PCCA: variants seen among roughly 807,000 people sequenced by gnomAD.
PCCA encodes propionyl-CoA carboxylase subunit alpha.
PCCA carries 74 observed loss-of-function variants against 101.3 expected under a neutral mutation model. The observed-to-expected ratio is 0.73, with a 90% confidence interval of 0.61 to 0.89. The LOEUF (loss-of-function observed/expected upper bound fraction) is 0.89. Among genes scored for constraint, PCCA ranks in the 40% least tolerant of loss-of-function variants. The pLI is 0.00. For missense variants in PCCA, 891 were observed against 907.0 expected (o/e 0.98, Z 0.23); for synonymous variants, 294 against 313.6 (o/e 0.94, Z 0.66).
rs2047399046 is a variant in PCCA, at chr13:100,102,891, G to A, written c.114G>A (p.Leu38=). Residue 38 remains leucine, a synonymous_variant, in exon 2 of 24, where the codon CTG becomes CTA. Transcript: ENST00000376285. ...CTTTCCTTTTTTTGTAGCATGTTCTGTACTATTCAAGACAGTGCTTAATGG... is the reference window on the plus strand; with the variant it reads ...CTTTCCTTTTTTTGTAGCATGTTCTATACTATTCAAGACAGTGCTTAATGG... ...SAALRTLKHV[L]YYSRQCLMVS... is the part of the protein sequence containing the mutation. 1.2e-6 allele frequency: 2 copies of A among 1,610,106 alleles called. No individual in the cohort carries two copies. Among genetic ancestry groups the A allele is most frequent in the African/African-American group, 2.7e-5 (2 of 74,858 alleles).
intron 14 of PCCA, among the ~76,000 whole-genome samples, chr13:100,304,350 G>T (rs2066296705): frequency 6.6e-6 from 1 of 152,220 alleles, no homozygotes; most frequent in African/African-American, 2.4e-5. Flanking sequence ...TTGGGTGCAG[G>T]AGAGTGCACA....
intron 19 of PCCA, among the ~76,000 whole-genome samples, chr13:100,382,300 T>G (rs1488745601): frequency 1.3e-5 from 2 of 152,182 alleles, no homozygotes; most frequent in African/African-American, 4.8e-5. Flanking sequence ...CTCCGGTTAC[T>G]CCATCAAGCT....
intron 16 of PCCA, among the ~76,000 whole-genome samples, chr13:100,315,342 A>C (rs1338539669): frequency 2.6e-5 from 4 of 152,046 alleles, no homozygotes; most frequent in Admixed American, 2.0e-4. Context: ...AAGAACCCCC[A>C]CTCTCCACTA....
intron 15 of PCCA, 116 bp from the exon 16 acceptor site, chr13:100,309,717 A>G: frequency 3.0e-6 from 2 of 671,442 alleles, no homozygotes; most frequent in Non-Finnish European, 5.0e-6. Flanking sequence ...CTATCATAAA[A>G]TTTCGAGATA....
chr13:100,246,412 C>T (rs1052521714), intron 8 of PCCA, among the ~76,000 whole-genome samples: 4 of 152,100 alleles, frequency 2.6e-5, no homozygotes, highest in East Asian at 1.9e-4. Context: ...TAGGCTCAAG[C>T]GATCCTCCCA....
intron 21 of PCCA, among the ~76,000 whole-genome samples, chr13:100,456,355 T>C (rs909574814): frequency 6.6e-6 from 1 of 152,218 alleles, no homozygotes; most frequent in African/African-American, 2.4e-5. Context: ...TGTGGACTTT[T>C]ATGACTCATT....
chr13:100,400,620 C>CT (rs1380536807), intron 19 of PCCA, among the ~76,000 whole-genome samples: 1 of 61,948 alleles, frequency 1.6e-5, no homozygotes, highest in African/African-American at 1.0e-4. Flanking sequence ...GATCTTAGTT[C>CT]TTTTTAGTTC....
intron 4 of PCCA, among the ~76,000 whole-genome samples, chr13:100,128,606 G>C (rs969381711): frequency 6.6e-6 from 1 of 152,118 alleles, no homozygotes; most frequent in Admixed American, 6.5e-5. Flanking sequence ...ACAAGACCGC[G>C]TGCGCAAAGG....
intron 22 of PCCA, among the ~76,000 whole-genome samples, chr13:100,525,850 C>T (rs1247162003): frequency 6.6e-6 from 1 of 152,214 alleles, no homozygotes; most frequent in African/African-American, 2.4e-5. Flanking sequence ...CATGCAGTCC[C>T]CAGGAAGCTC....
chr13:100,091,181 A>G (rs956369694), intron 1 of PCCA, among the ~76,000 whole-genome samples: 6 of 152,232 alleles, frequency 3.9e-5, no homozygotes, highest in Non-Finnish European at 7.3e-5. Context: ...TGTTTGTCTT[A>G]GAGCAGTGGG....
chr13:100,341,143 G>A (rs2071248446), intron 18 of PCCA, among the ~76,000 whole-genome samples: 1 of 152,226 alleles, frequency 6.6e-6, no homozygotes. Flanking sequence ...AGCTTACAGT[G>A]TATCTTTTTA....
chr13:100,467,058 A>G (rs1226819773), intron 21 of PCCA, among the ~76,000 whole-genome samples: 1 of 152,114 alleles, frequency 6.6e-6, no homozygotes, highest in Non-Finnish European at 1.5e-5. Context: ...CCCCTTTGAG[A>G]TCACCAGTAG....
intron 2 of PCCA, among the ~76,000 whole-genome samples, chr13:100,103,496 G>A (rs1366077482): frequency 2.0e-5 from 3 of 151,758 alleles, no homozygotes; most frequent in Non-Finnish European, 4.4e-5. Flanking sequence ...ATTTTTAGTA[G>A]AGATGGGGTT....
chr13:100,278,797 G>A (rs140949789), intron 12 of PCCA, among the ~76,000 whole-genome samples: 11 of 152,064 alleles, frequency 7.2e-5, no homozygotes, highest in Non-Finnish European at 1.5e-4. Context: ...TATTTTTATC[G>A]AATAATTCTA....
intron 14 of PCCA, among the ~76,000 whole-genome samples, chr13:100,304,192 A>G (rs2066283878): frequency 6.6e-6 from 1 of 152,246 alleles, no homozygotes; most frequent in South Asian, 2.1e-4. Flanking sequence ...ATGCTGCAGC[A>G]GGAGTTTTAT....
At chr13:100,372,693 C>T (rs1388204953) in intron 19 of PCCA, among the ~76,000 whole-genome samples, 1 of 152,014 alleles carries the variant, frequency 6.6e-6, no homozygotes, top group African/African-American at 2.4e-5. Flanking sequence ...GAAGGCAACC[C>T]ACAGAACGGG....
intron 16 of PCCA, among the ~76,000 whole-genome samples, chr13:100,322,399 C>T (rs2068159183): frequency 6.6e-6 from 1 of 151,952 alleles, no homozygotes; most frequent in Admixed American, 6.6e-5. Flanking sequence ...AATTCTATTA[C>T]TATGGAAAAA....
At chr13:100,352,315 G>GA (rs1189625879) in intron 18 of PCCA, among the ~76,000 whole-genome samples, 4 of 151,220 alleles carry the variant, frequency 2.6e-5, no homozygotes, top group African/African-American at 9.7e-5. Flanking sequence ...TAAAAGGATG[G>GA]AAAAAAGTAT....
chr13:100,171,663 A>G (rs922323426), intron 6 of PCCA, among the ~76,000 whole-genome samples: 3 of 152,204 alleles, frequency 2.0e-5, no homozygotes, highest in Admixed American at 6.5e-5. Flanking sequence ...CTGAAGCCAG[A>G]GGATCACTTG....
Sources: allele counts gnomAD v4.1 joint callset (sites outside exome capture counted in the v4.1 genomes callset), GRCh38; gene constraint gnomAD v4.1.1; transcripts MANE v1.5; gene names NCBI Gene and HGNC (gene_info 2026-07-23, HGNC 2026-07-21).